ADGRL3: variants seen among roughly 807,000 people sequenced by gnomAD.
ADGRL3 encodes the protein adhesion G protein-coupled receptor L3, also known as calcium-independent alpha-latrotoxin receptor 3.
ADGRL3 carries 62 observed loss-of-function variants against 153.5 expected under a neutral mutation model. That is an observed-to-expected ratio of 0.40 (90% CI 0.33 to 0.50). The LOEUF (loss-of-function observed/expected upper bound fraction) is 0.50. Ranked by LOEUF, ADGRL3 falls within the 20% of genes least tolerant of loss-of-function variation. ADGRL3 has a pLI of 0.47. For missense variants in ADGRL3, 1,641 were observed against 1,859.4 expected, an observed-to-expected ratio of 0.88 and a Z score of 2.16; for synonymous variants, 710 against 672.5, an observed-to-expected ratio of 1.06 and a Z score of -0.86.
intron 1 of ADGRL3, among the ~76,000 whole-genome samples, chr4:61,243,529 G>A (rs1755818215): frequency 6.6e-6 from 1 of 151,964 alleles, no homozygotes; most frequent in Non-Finnish European, 1.5e-5. Flanking sequence ...GTTTCTGCAT[G>A]AGAGAGAGAC....
chr4:61,798,979 T>A (rs1289038826), intron 8 of ADGRL3, among the ~76,000 whole-genome samples: 2 of 129,694 alleles, frequency 1.5e-5, no homozygotes, highest in African/African-American at 5.7e-5. Context: ...TATAACATTA[T>A]TATATATTAT....
chr4:61,714,050 T>C (rs2096057347), intron 6 of ADGRL3, among the ~76,000 whole-genome samples: 1 of 152,146 alleles, frequency 6.6e-6, no homozygotes, highest in South Asian at 2.1e-4. Context: ...AGGAGTTCTA[T>C]GGAATGCGTA....
chr4:61,485,272 C>T (rs887007241), intron 2 of ADGRL3, among the ~76,000 whole-genome samples: 4 of 152,110 alleles, frequency 2.6e-5, no homozygotes, highest in East Asian at 1.9e-4. Flanking sequence ...AATTATATTG[C>T]GATATTTTGT....
At chr4:62,046,503 A>G (rs1731202118) in intron 25 of ADGRL3, among the ~76,000 whole-genome samples, 1 of 151,966 alleles carries the variant, frequency 6.6e-6, no homozygotes, top group Admixed American at 6.6e-5. Flanking sequence ...ATTTAAAGGA[A>G]ATAATATTAG....
At chr4:61,651,253 C>T (rs964140290) in intron 5 of ADGRL3, among the ~76,000 whole-genome samples, 1 of 152,034 alleles carries the variant, frequency 6.6e-6, no homozygotes, top group East Asian at 1.9e-4. Flanking sequence ...ATTGCTATCT[C>T]CAAACAGCAC....
At position 62,076,808 on chromosome 4, in the gene ADGRL3, T is replaced by A. The variant is rs1404786690; in HGVS notation, c.*5900T>A. On this transcript the variant is annotated 3_prime_UTR_variant, in exon 27 of 27. Coordinates refer to ENST00000683033, the MANE Select transcript of ADGRL3 (RefSeq NM_001387552.1). ...TCTTCACTCTCTAATCTGCTGGCTC[T>A]ATTGAACACCAACAGAGTTAATGCT... The A allele has an allele frequency of 6.6e-6, 1 of 151,888 alleles. No homozygotes were observed. Among genetic ancestry groups the A allele is most frequent in the Admixed American group, 6.6e-5 (1 of 15,222 alleles). The allele number at this position is 151,888 out of a possible 1,614,324, so 9.4% of individuals were successfully genotyped here.
intron 11 of ADGRL3, among the ~76,000 whole-genome samples, chr4:61,898,680 A>T (rs1242203702): frequency 2.7e-5 from 4 of 150,700 alleles, no homozygotes; most frequent in African/African-American, 9.8e-5. Context: ...GTGCACTGGC[A>T]CAATCTTGGC....
At chr4:61,979,540 T>C (rs374953984) in intron 17 of ADGRL3, 23 bp from the exon 18 acceptor site, 29 of 1,608,806 alleles carry the variant, frequency 1.8e-5, no homozygotes, top group East Asian at 2.2e-5. Flanking sequence ...GCGCAACTTA[T>C]GGCTTTTTCA....
intron 1 of ADGRL3, among the ~76,000 whole-genome samples, chr4:61,345,775 G>C (rs1379394346): frequency 6.6e-6 from 1 of 152,148 alleles, no homozygotes; most frequent in Non-Finnish European, 1.5e-5. Context: ...GAGAATTTCT[G>C]TATATTTGTG....
intron 11 of ADGRL3, among the ~76,000 whole-genome samples, chr4:61,906,635 A>G (rs911709326): frequency 1.3e-5 from 2 of 152,172 alleles, no homozygotes; most frequent in Non-Finnish European, 2.9e-5. Flanking sequence ...TAGGAGCAAT[A>G]CAAATATACA....
intron 1 of ADGRL3, among the ~76,000 whole-genome samples, chr4:61,318,377 G>A (rs2150699584): frequency 6.6e-6 from 1 of 152,082 alleles, no homozygotes; most frequent in East Asian, 1.9e-4. Context: ...ATTTGCTGAT[G>A]GGCCAACATT....
intron 1 of ADGRL3, among the ~76,000 whole-genome samples, chr4:61,375,083 A>G (rs895731936): frequency 1.3e-5 from 2 of 152,106 alleles, no homozygotes; most frequent in African/African-American, 4.8e-5. Flanking sequence ...GATATGTGAC[A>G]TAAAAATCAT....
In ADGRL3 at chr4:62,070,796, A is replaced by T. The variant is rs1164369887; in HGVS notation, c.4520A>T (p.Tyr1507Phe). 6.4e-7 allele frequency: 1 copy of T among 1,551,560 alleles called. No individual in the cohort carries two copies. The highest frequency in any genetic ancestry group is 8.7e-7 in the Non-Finnish European group (1 of 1,146,986). ...AACCACGTCCATCAGCTGCATACTTACTACCAGCTAGGTCGCGGCAGCAGT... is the reference window on the plus strand; with the variant it reads ...AACCACGTCCATCAGCTGCATACTTTCTACCAGCTAGGTCGCGGCAGCAGT... ...SRNHVHQLHT[Y>F]YQLGRGSSDG... Residue 1507 changes from tyrosine (Y) to phenylalanine (F), a missense_variant, in exon 27 of 27, where the codon TAC becomes TTC. Coordinates refer to ENST00000683033, the MANE Select transcript of ADGRL3 (RefSeq NM_001387552.1).
intron 1 of ADGRL3, among the ~76,000 whole-genome samples, chr4:61,223,279 C>T (rs1270761659): frequency 6.6e-6 from 1 of 152,062 alleles, no homozygotes; most frequent in African/African-American, 2.4e-5. Flanking sequence ...TGAAATGATA[C>T]GTATAGTTTT....
At chr4:61,818,169 C>T (rs2097709359) in intron 9 of ADGRL3, among the ~76,000 whole-genome samples, 1 of 152,150 alleles carries the variant, frequency 6.6e-6, no homozygotes, top group South Asian at 2.1e-4. Context: ...TAGTTACTTA[C>T]TAGATATAAT....
intron 1 of ADGRL3, among the ~76,000 whole-genome samples, chr4:61,226,502 G>A (rs1370757980): frequency 6.6e-6 from 1 of 152,110 alleles, no homozygotes; most frequent in East Asian, 1.9e-4. Context: ...TCTGGTAATA[G>A]CAGAACTCAG....
Position 62,031,484 on chromosome 4 carries a change from A to G in ADGRL3, c.3465A>G (p.Gly1155=), listed in dbSNP as rs769313131. Reference sequence around the variant, plus strand: ...CAATAGCTCTTCTCTGCCTATTAGGATTGACCTGGGCCTTTGGACTCATGT... The same window carrying G: ...CAATAGCTCTTCTCTGCCTATTAGGGTTGACCTGGGCCTTTGGACTCATGT... ...IGAIALLCLL[G]LTWAFGLMYI... The change falls in exon 23 of 27, where the codon GGA becomes GGG. Residue 1155 remains glycine (G), a synonymous_variant. Transcript: ENST00000683033. The G allele has an allele frequency of 6.2e-7, 1 of 1,610,826 alleles. No homozygotes were observed. The highest frequency in any genetic ancestry group is 1.7e-5 in the Admixed American group (1 of 59,796).
intron 1 of ADGRL3, among the ~76,000 whole-genome samples, chr4:61,275,009 T>C (rs1036505559): frequency 2.0e-5 from 3 of 152,164 alleles, no homozygotes; most frequent in Non-Finnish European, 2.9e-5. Context: ...TTTGTTTACC[T>C]TGGGAAAGTC....
intron 1 of ADGRL3, among the ~76,000 whole-genome samples, chr4:61,278,108 A>T (rs2093558494): frequency 6.6e-6 from 1 of 152,162 alleles, no homozygotes; most frequent in Admixed American, 6.5e-5. Context: ...GATACTTAAA[A>T]TTGTTCAACT....
Sources: allele counts gnomAD v4.1 joint callset (sites outside exome capture counted in the v4.1 genomes callset), GRCh38; gene constraint gnomAD v4.1.1; transcripts MANE v1.5; gene names NCBI Gene and HGNC (gene_info 2026-07-23, HGNC 2026-07-21).